The following PARP9 variants were observed in gnomAD, a reference collection of about 807,000 sequenced individuals.
PARP9 encodes the protein poly(ADP-ribose) polymerase family member 9.
A neutral mutation model predicts 68.8 loss-of-function variants in PARP9; 48 were observed. The observed-to-expected ratio is 0.70, with a 90% CI of 0.55 to 0.89. PARP9 has a LOEUF of 0.89. Among genes scored for constraint, PARP9 ranks in the 40% least tolerant of loss-of-function variants. The probability of loss-of-function intolerance (pLI) is 0.00; values close to 1 mark genes in which losing one functional copy is unlikely to be tolerated. For synonymous variants in PARP9, 309 were observed against 333.8 expected (o/e 0.93, Z 0.81); for missense variants, 806 against 969.3 (o/e 0.83, Z 2.24).
chr3:122,532,833 G>T (rs1380354989), intron 10 of PARP9: 1 of 152,192 alleles, frequency 6.6e-6, no homozygotes, highest in Non-Finnish European at 1.5e-5. Flanking sequence ...CGGGATAGAG[G>T]CATGAAAGTA....
At position 122,550,779 on chromosome 3, in the gene PARP9, C is replaced by G. The variant is rs1224759157; in HGVS notation, c.1131G>C (p.Glu377Asp). ...TTTGCTCAATGCATTTTTCCAAACA[C>G]TCCTTCATTGCATGTTTTAATATCT... Reference protein sequence around the residue: ...KPQILKHAMKECLEKCIEQNI... With the variant: ...KPQILKHAMKDCLEKCIEQNI... The change falls in exon 6 of 11, where the codon GAG becomes GAC. Residue 377 changes from glutamate to aspartate, a missense_variant. Coordinates refer to ENST00000682323, the MANE Select transcript of PARP9 (RefSeq NM_001146105.2). 43 of 1,613,796 alleles carry G rather than the reference C, an allele frequency of 2.7e-5. No homozygotes were observed. The highest frequency in any genetic ancestry group is 3.5e-5 in the Non-Finnish European group (41 of 1,179,902).
At chr3:122,544,501 A>T (rs1015330163) in intron 7 of PARP9, among the ~76,000 whole-genome samples, 1 of 152,156 alleles carries the variant, frequency 6.6e-6, no homozygotes, top group African/African-American at 2.4e-5. Context: ...CTGCCAGGCC[A>T]CTGAACATTC....
chr3:122,564,338 G>T (rs1394707123), upstream of PARP9: 59 of 1,438,990 alleles, frequency 4.1e-5, no homozygotes, highest in Non-Finnish European at 3.7e-6. Flanking sequence ...AAGCGAAACT[G>T]AAACTTTGCG....
At chr3:122,564,570 C>T, upstream of PARP9, 1 of 1,605,616 alleles carries the variant, frequency 6.2e-7, no homozygotes. Context: ...CCCAGGAACA[C>T]GAAGCCCCGG....
chr3:122,531,988 G>T (rs1576373535), intron 10 of PARP9: 1 of 284,658 alleles, frequency 3.5e-6, no homozygotes, highest in Non-Finnish European at 5.3e-6. Flanking sequence ...TGAGAGCCCT[G>T]GGAGTCAAGA....
chr3:122,539,147 A>G (rs1361857096), intron 8 of PARP9, among the ~76,000 whole-genome samples: 2 of 152,180 alleles, frequency 1.3e-5, no homozygotes, highest in African/African-American at 2.4e-5. Flanking sequence ...CGTGATTTAT[A>G]AGGTCTTGCA....
chr3:122,536,310 AGCC>A lies in PARP9; in HGVS notation c.1935_1937del (p.Met645_Ala646delinsIle). ...TCATTTTCTTCTTTCTTTGAAAGGC[AGCC>A]ATAAGGACCTCATTGTCTATCTTCT... On this transcript the variant is annotated inframe_deletion, in exon 10 of 11. Transcript: ENST00000682323. 1 of 1,614,170 alleles carries A rather than the reference AGCC, an allele frequency of 6.2e-7. No individual in the cohort carries two copies. Among genetic ancestry groups the A allele is most frequent in the Non-Finnish European group, 8.5e-7 (1 of 1,180,010 alleles).
chr3:122,563,171 A>G lies in PARP9; in HGVS notation c.-90+1074T>C, dbSNP rs193080619. ...TTCTAAAATGCAAATCTGGCAAGTC[A>G]TTTTCTTGCTTTCCCTGCTTAAAGC... On this transcript the variant is annotated intron_variant, in intron 1 of 10. Transcript: ENST00000682323. Among the ~76,000 whole-genome samples the G allele has an allele frequency of 3.9e-5, 6 of 152,230 alleles. No homozygotes were observed. The East Asian group carries it at 1.2e-3, about 29-fold the overall frequency.
At chr3:122,560,011 T>G (rs1334242262) in intron 1 of PARP9, among the ~76,000 whole-genome samples, 1 of 151,984 alleles carries the variant, frequency 6.6e-6, no homozygotes, top group Non-Finnish European at 1.5e-5. Flanking sequence ...TGCAGGAGGT[T>G]TTTACATATT....
chr3:122,550,775 A>G lies in PARP9; in HGVS notation c.1135T>C (p.Leu379=). 6.2e-7 allele frequency: 1 copy of G among 1,614,002 alleles called. No homozygotes were observed. The highest frequency in any genetic ancestry group is 8.5e-7 in the Non-Finnish European group (1 of 1,179,956). ...ATATTTTGCTCAATGCATTTTTCCA[A>G]ACACTCCTTCATTGCATGTTTTAAT... ...QILKHAMKEC[L]EKCIEQNITS... Residue 379 remains leucine, a synonymous_variant, in exon 6 of 11, where the codon TTG becomes CTG. Transcript: ENST00000682323.
intron 8 of PARP9, among the ~76,000 whole-genome samples, chr3:122,538,945 A>G (rs535211829): frequency 3.3e-5 from 5 of 151,998 alleles, no homozygotes; most frequent in African/African-American, 1.2e-4. Context: ...TTATTCCTGC[A>G]TTATTTTTAC....
intron 6 of PARP9, among the ~76,000 whole-genome samples, chr3:122,547,433 C>T (rs190049580): frequency 6.6e-5 from 10 of 152,120 alleles, no homozygotes; most frequent in Admixed American, 6.6e-5. Flanking sequence ...CCTGGGGGAG[C>T]GCTCAGACCG....
At chr3:122,563,128 C>T (rs1051982345) in intron 1 of PARP9, among the ~76,000 whole-genome samples, 1 of 152,192 alleles carries the variant, frequency 6.6e-6, no homozygotes. Flanking sequence ...GTCCTCCACA[C>T]GGTTGTCAGC....
chr3:122,549,569 C>T (rs1436941215), intron 6 of PARP9, among the ~76,000 whole-genome samples: 2 of 152,002 alleles, frequency 1.3e-5, no homozygotes, highest in African/African-American at 4.8e-5. Context: ...TCACTTGAGC[C>T]CAGGAGCTCA....
At chr3:122,529,234 T>TAAAAAAA (rs59705545) in intron 10 of PARP9, among the ~76,000 whole-genome samples, 2 of 77,268 alleles carry the variant, frequency 2.6e-5, no homozygotes, top group African/African-American at 1.0e-4. Flanking sequence ...GCGAAACTCT[T>TAAAAAAA]AAAAAAAAAA....
At position 122,536,934 on chromosome 3, in the gene PARP9, C is replaced by T; in HGVS notation, c.1905G>A (p.Lys635=). Residue 635 remains lysine (K), a splice_region_variant and synonymous_variant, in exon 9 of 11, where the codon AAG becomes AAA. Coordinates refer to ENST00000682323, the MANE Select transcript of PARP9 (RefSeq NM_001146105.2). ...QFEKCGLQVL[K]VEKIDNEVLM... ...AAATCTTCCCCTTTGTTAGGTATAC[C>T]TTTAGAACCTGCAAACCACATTTTT... The T allele has an allele frequency of 6.2e-7, 1 of 1,611,414 alleles. No individual in the cohort carries two copies. Among genetic ancestry groups the T allele is most frequent in the Non-Finnish European group, 8.5e-7 (1 of 1,179,294 alleles).
In PARP9 at chr3:122,559,699, G is replaced by T; in HGVS notation, c.-79C>A. The T allele has an allele frequency of 7.2e-7, 1 of 1,386,452 alleles. No individual in the cohort carries two copies. Among genetic ancestry groups the T allele is most frequent in the Non-Finnish European group, 9.8e-7 (1 of 1,024,084 alleles). 85.9% of individuals were successfully genotyped at this position (1,386,452 alleles called of 1,614,324 possible). ...GCATAGACTGTAGTTTCCAGATATG[G>T]TGGCCCACTTCTAGGAATGAATTAG... is the stretch of plus-strand genomic sequence containing the variant. On this transcript the variant is annotated 5_prime_UTR_variant, in exon 2 of 11. Coordinates refer to ENST00000682323, the MANE Select transcript of PARP9 (RefSeq NM_001146105.2).
At chr3:122,535,688 C>G (rs1243955872) in intron 10 of PARP9, 6 of 988,228 alleles carry the variant, frequency 6.1e-6, no homozygotes, top group Non-Finnish European at 7.2e-6. Flanking sequence ...ACTTCACCTG[C>G]CAAATGATAC....
In PARP9 at chr3:122,555,927, T is replaced by C; in HGVS notation, c.244A>G (p.Arg82Gly). 2 of 1,614,032 alleles carry C rather than the reference T, an allele frequency of 1.2e-6. No homozygotes were observed. The highest frequency in any genetic ancestry group is 1.7e-5 in the Admixed American group (1 of 59,986). Residue 82 changes from arginine to glycine, a missense_variant, in exon 4 of 11, where the codon AGG becomes GGG. By Grantham distance (125) the Arg-to-Gly change is moderately radical (BLOSUM62 -2). Around this residue, in one of 2 missense-constraint regions of PARP9, gnomAD observed 126 missense variants for 110.5 expected, o/e 1.14. Coordinates refer to ENST00000682323, the MANE Select transcript of PARP9 (RefSeq NM_001146105.2). Reference protein sequence around the residue: ...LQVFRKMLTPRIELSVWKDDL... With the variant: ...LQVFRKMLTPGIELSVWKDDL... ...TCTTTCCAGACTGATAACTCTATCC[T>C]AGGAGTCAGCATTTTTCTGAACACT...
Sources: allele counts gnomAD v4.1 joint callset (sites outside exome capture counted in the v4.1 genomes callset), GRCh38; gene constraint gnomAD v4.1.1; regional missense constraint gnomAD v4.1.1; transcripts MANE v1.5; gene names NCBI Gene and HGNC (gene_info 2026-07-23, HGNC 2026-07-21).